The following TM9SF4 variants were observed in gnomAD, a reference collection of about 807,000 sequenced individuals.
The protein encoded by TM9SF4 is dinucleotide oxidase disulfide thiol exchanger 3 superfamily member 4.
A neutral mutation model predicts 90.4 loss-of-function variants in TM9SF4; 26 were observed. That is an observed-to-expected ratio of 0.29 (90% CI 0.21 to 0.40). TM9SF4 has a LOEUF of 0.40. Ranked by LOEUF, TM9SF4 falls within the 10% of genes least tolerant of loss-of-function variation. TM9SF4 has a pLI of 1.00. For synonymous variants in TM9SF4, 293 were observed against 315.4 expected (o/e 0.93, Z 0.75); for missense variants, 549 against 834.8 (o/e 0.66, Z 4.22).
At chr20:32,160,140 G>A (rs757742485) in intron 16 of TM9SF4, 29 bp downstream of exon 16, 2 of 1,613,882 alleles carry the variant, frequency 1.2e-6, no homozygotes, top group East Asian at 2.2e-5. Flanking sequence ...GGAGGCGGGG[G>A]AGGGAGAACT....
chr20:32,127,803 T>A (rs1270444962), intron 1 of TM9SF4, among the ~76,000 whole-genome samples: 1 of 152,192 alleles, frequency 6.6e-6, no homozygotes, highest in Non-Finnish European at 1.5e-5. Context: ...GGATTCTGTT[T>A]CAAAAGAAGG....
chr20:32,147,889 G>A, intron 9 of TM9SF4, among the ~76,000 whole-genome samples: 1 of 148,300 alleles, frequency 6.7e-6, no homozygotes, highest in East Asian at 2.0e-4. Context: ...GAGGACAGTA[G>A]ATAACTTGAG....
chr20:32,150,572 G>T (rs2046827424), intron 10 of TM9SF4, 50 bp from the exon 11 acceptor site: 2 of 1,610,478 alleles, frequency 1.2e-6, no homozygotes, highest in South Asian at 1.1e-5. Context: ...GAGGCCTGGT[G>T]ATCAGCCACC....
Position 32,165,286 on chromosome 20 carries a change from T to C in TM9SF4, c.1780-9T>C. 2 of 1,614,106 alleles carry C rather than the reference T, an allele frequency of 1.2e-6. No homozygotes were observed. The highest frequency in any genetic ancestry group is 8.5e-7 in the Non-Finnish European group (1 of 1,179,976). On this transcript the variant is annotated splice_polypyrimidine_tract_variant and intron_variant, in intron 17 of 17. Transcript: ENST00000398022. ...ATGCACCCTGTCTTCTTTCTGCTCG[T>C]GGCCGCAGCTGGACATCGTGGAGTT...
intron 6 of TM9SF4, 48 bp downstream of exon 6, chr20:32,143,153 C>A (rs747058327): frequency 6.2e-7 from 1 of 1,600,346 alleles, no homozygotes; most frequent in Non-Finnish European, 8.5e-7. Flanking sequence ...TGGGCCTGGG[C>A]TTCTCCACGC....
At chr20:32,139,794 A>T (rs6121356) in intron 3 of TM9SF4, among the ~76,000 whole-genome samples, 1 of 152,148 alleles carries the variant, frequency 6.6e-6, no homozygotes, top group Non-Finnish European at 1.5e-5. Context: ...GTAGCCACAC[A>T]GGCCTTTCAG....
intron 10 of TM9SF4, 47 bp from the exon 11 acceptor site, chr20:32,150,575 C>A: frequency 6.2e-7 from 1 of 1,609,756 alleles, no homozygotes; most frequent in South Asian, 1.1e-5. Context: ...GCCTGGTGAT[C>A]AGCCACCCTG....
intron 5 of TM9SF4, 103 bp downstream of exon 5, chr20:32,141,998 C>G: frequency 6.4e-7 from 1 of 1,554,952 alleles, no homozygotes; most frequent in Non-Finnish European, 8.7e-7. Context: ...GCAAGTTTCT[C>G]CAGGTGCCCT....
chr20:32,125,551 T>C (rs1208510274), intron 1 of TM9SF4, among the ~76,000 whole-genome samples: 7 of 152,160 alleles, frequency 4.6e-5, no homozygotes, highest in African/African-American at 1.7e-4. Flanking sequence ...CCAGGTGTTT[T>C]AGTAAGCCCT....
intron 1 of TM9SF4, among the ~76,000 whole-genome samples, chr20:32,116,856 CTTTTTCTTTTTTTTTTT>C (rs2046231854): frequency 1.0e-5 from 1 of 99,978 alleles, no homozygotes; most frequent in Non-Finnish European, 2.0e-5. Context: ...CTCCTTTTTC[CTTTTTCTTTTTTTTTTT>C]TTTTTTTTTT....
At chr20:32,143,604 C>G (rs1286172460) in intron 6 of TM9SF4, among the ~76,000 whole-genome samples, 2 of 152,232 alleles carry the variant, frequency 1.3e-5, no homozygotes, top group Non-Finnish European at 2.9e-5. Context: ...GAGTCCAGCA[C>G]AGTCCTGATG....
chr20:32,158,490 C>T lies in TM9SF4; in HGVS notation c.1545C>T (p.Phe515=). Residue 515 remains phenylalanine, a synonymous_variant, in exon 15 of 18, where the codon TTC becomes TTT. Transcript: ENST00000398022. ...GGATCTTGCCCTTCGGCGCCATGTTCATCGAGCTCTTCTTCATCTTCAGTG... is the reference window on the plus strand; with the variant it reads ...GGATCTTGCCCTTCGGCGCCATGTTTATCGAGCTCTTCTTCATCTTCAGTG... ...MAGILPFGAM[F]IELFFIFSAI... The T allele has an allele frequency of 1.9e-6, 3 of 1,614,192 alleles. No individual in the cohort carries two copies. In the South Asian group the frequency reaches 3.3e-5, roughly 18 times the overall value.
At chr20:32,143,277 C>T (rs138723827) in intron 6 of TM9SF4, among the ~76,000 whole-genome samples, 172 bp downstream of exon 6, 1 of 152,326 alleles carries the variant, frequency 6.6e-6, no homozygotes, top group East Asian at 1.9e-4. Flanking sequence ...GGTGTGGGGG[C>T]AGCTGACAGC....
chr20:32,137,128 A>G, intron 3 of TM9SF4: 1 of 444,240 alleles, frequency 2.3e-6, no homozygotes, highest in Non-Finnish European at 4.5e-6. Flanking sequence ...GATTGGCCTC[A>G]GAGCCTGGGC....
rs2046987062 is a variant in TM9SF4, at chr20:32,159,807, C to G, written c.1570-185C>G. 5 of 737,510 alleles carry G rather than the reference C, an allele frequency of 6.8e-6. No homozygotes were observed. In the South Asian group the frequency reaches 7.3e-5, roughly 11 times the overall value. 45.7% of individuals were successfully genotyped at this position (737,510 alleles called of 1,614,324 possible). On this transcript the variant is annotated intron_variant, in intron 15 of 17. Coordinates refer to ENST00000398022, the MANE Select transcript of TM9SF4 (RefSeq NM_014742.4). ...AGAGCAGGTCAGTCAACCCCTGGCC[C>G]CTCCCTAAGGACAGTGTGGCTCACC...
chr20:32,128,790 CTGTGTGTGTG>C (rs55977888), intron 1 of TM9SF4, among the ~76,000 whole-genome samples: 11 of 145,364 alleles, frequency 7.6e-5, no homozygotes, highest in East Asian at 2.0e-4. Flanking sequence ...GTATTCCATT[CTGTGTGTGTG>C]TGTGTGTGTG....
At chr20:32,122,809 A>G (rs1228626561) in intron 1 of TM9SF4, among the ~76,000 whole-genome samples, 6 of 152,084 alleles carry the variant, frequency 3.9e-5, no homozygotes, top group Admixed American at 2.0e-4. Context: ...TTGGGAGGCC[A>G]AGACAGGCGG....
intron 13 of TM9SF4, 119 bp from the exon 14 acceptor site, chr20:32,157,674 GT>G: frequency 3.1e-6 from 4 of 1,307,070 alleles, no homozygotes; most frequent in Non-Finnish European, 3.2e-6. Flanking sequence ...GGCAGGGAGT[GT>G]GCTTCTGCTG....
intron 3 of TM9SF4, among the ~76,000 whole-genome samples, 199 bp downstream of exon 3, chr20:32,136,372 C>G (rs2046594670): frequency 6.6e-6 from 1 of 152,210 alleles, no homozygotes; most frequent in South Asian, 2.1e-4. Context: ...GGTTAAGTGA[C>G]TTGTCTTTGT....
Sources: allele counts gnomAD v4.1 joint callset (sites outside exome capture counted in the v4.1 genomes callset), GRCh38; gene constraint gnomAD v4.1.1; transcripts MANE v1.5; gene names NCBI Gene and HGNC (gene_info 2026-07-23, HGNC 2026-07-21).